The following HPCAL1 variants were observed in gnomAD, a reference collection of about 807,000 sequenced individuals.
HPCAL1 encodes the protein hippocalcin like 1.
Under a neutral mutation model 17.1 loss-of-function variants are expected in HPCAL1, and 8 were observed. The observed-to-expected ratio is 0.47, with a 90% CI of 0.27 to 0.84. The LOEUF (loss-of-function observed/expected upper bound fraction) is 0.84. Ranked by LOEUF, HPCAL1 falls within the 40% of genes least tolerant of loss-of-function variation. HPCAL1 has a pLI of 0.13. For missense variants in HPCAL1, 165 were observed against 271.1 expected, an observed-to-expected ratio of 0.61 and a Z score of 2.75; for synonymous variants, 112 against 111.4, an observed-to-expected ratio of 1.01 and a Z score of -0.03.
chr2:10,361,652 A>G (rs763745690), intron 1 of HPCAL1, among the ~76,000 whole-genome samples: 1 of 152,132 alleles, frequency 6.6e-6, no homozygotes, highest in Non-Finnish European at 1.5e-5. Context: ...AATCACATAA[A>G]TAACGTTTCC....
chr2:10,408,751 A>G (rs1350396908), intron 2 of HPCAL1: 2 of 152,224 alleles, frequency 1.3e-5, no homozygotes, highest in African/African-American at 4.8e-5. Flanking sequence ...ATGAAATACA[A>G]ACGCCATGAT....
chr2:10,366,084 T>A (rs1335652221), intron 1 of HPCAL1, among the ~76,000 whole-genome samples: 2 of 152,144 alleles, frequency 1.3e-5, no homozygotes, highest in East Asian at 3.9e-4. Flanking sequence ...GCCTCCCTCC[T>A]GGACCGCCCA....
chr2:10,329,902 G>A (rs1454279666), intron 1 of HPCAL1, among the ~76,000 whole-genome samples: 1 of 152,232 alleles, frequency 6.6e-6, no homozygotes, highest in Non-Finnish European at 1.5e-5. Flanking sequence ...ACAGCTCCAG[G>A]CCCTGCCTGA....
At chr2:10,400,989 G>A (rs931568026) in intron 2 of HPCAL1, among the ~76,000 whole-genome samples, 7 of 152,326 alleles carry the variant, frequency 4.6e-5, no homozygotes, top group South Asian at 4.1e-4. Flanking sequence ...GAGCAAGACC[G>A]GCCTAGCCTC....
At chr2:10,423,165 C>T (rs754835662) in intron 4 of HPCAL1, 77 bp downstream of exon 4, 21 of 1,090,788 alleles carry the variant, frequency 1.9e-5, no homozygotes, top group South Asian at 1.0e-4. Context: ...GCACCCCCTC[C>T]CCTCTGCAGC....
At chr2:10,401,398 T>C (rs901146346) in intron 2 of HPCAL1, among the ~76,000 whole-genome samples, 2 of 152,142 alleles carry the variant, frequency 1.3e-5, no homozygotes, top group African/African-American at 4.8e-5. Flanking sequence ...GTTTAGCAAA[T>C]ATCTGTTCTT....
chr2:10,305,474 G>T (rs1214297889), intron 1 of HPCAL1, among the ~76,000 whole-genome samples: 1 of 152,212 alleles, frequency 6.6e-6, no homozygotes, highest in Non-Finnish European at 1.5e-5. Context: ...CCTTGCGGTG[G>T]GATGTGGTGC....
In HPCAL1 at chr2:10,395,542, C is replaced by A. The variant is rs892470418; in HGVS notation, c.-110-1293C>A. ...AGGAGCGAGGGGAGCCCCGCTGGCA[C>A]GCCGCACTGTGCTGAGGCTGGGTGT... On this transcript the variant is annotated intron_variant, in intron 1 of 4. Coordinates refer to ENST00000307845, the MANE Select transcript of HPCAL1 (RefSeq NM_002149.4). The surrounding 1 kb of genome is among the most constrained non-coding windows in gnomAD (Gnocchi z 4.4). 2.6e-5 allele frequency among the ~76,000 whole-genome samples: 4 copies of A among 152,196 alleles called. No homozygotes were observed. Among genetic ancestry groups the A allele is most frequent in the Non-Finnish European group, 4.4e-5 (3 of 68,036 alleles).
chr2:10,364,266 G>T (rs1227425026), intron 1 of HPCAL1, among the ~76,000 whole-genome samples: 1 of 152,230 alleles, frequency 6.6e-6, no homozygotes, highest in East Asian at 1.9e-4. Flanking sequence ...CTGGCATCCG[G>T]GGGTCCCTCC....
intron 1 of HPCAL1, among the ~76,000 whole-genome samples, chr2:10,379,458 T>C (rs1667802455): frequency 6.6e-6 from 1 of 151,872 alleles, no homozygotes; most frequent in South Asian, 2.1e-4. Flanking sequence ...TGGGCTGGGC[T>C]ATGAGCAGGA....
chr2:10,315,127 TA>T (rs1249762163), intron 1 of HPCAL1, among the ~76,000 whole-genome samples: 1 of 151,894 alleles, frequency 6.6e-6, no homozygotes, highest in Non-Finnish European at 1.5e-5. Context: ...CCGTCTCTAC[TA>T]AAAATACAAA....
intron 1 of HPCAL1, among the ~76,000 whole-genome samples, chr2:10,308,961 G>C (rs1412715205): frequency 6.6e-6 from 1 of 152,156 alleles, no homozygotes; most frequent in East Asian, 1.9e-4. Context: ...CCAGCTACTA[G>C]GGGGTGCTGA....
intron 1 of HPCAL1, among the ~76,000 whole-genome samples, chr2:10,305,258 A>G (rs1662549929): frequency 6.6e-6 from 1 of 151,960 alleles, no homozygotes; most frequent in Non-Finnish European, 1.5e-5. Context: ...TGGCTTTCTC[A>G]GCTCAGAAGA....
At chr2:10,332,617 T>C (rs1251934705) in intron 1 of HPCAL1, among the ~76,000 whole-genome samples, 2 of 152,172 alleles carry the variant, frequency 1.3e-5, no homozygotes, top group African/African-American at 4.8e-5. Flanking sequence ...GACAGCTTTA[T>C]TCGAGGAAAA....
intron 2 of HPCAL1, among the ~76,000 whole-genome samples, chr2:10,399,745 G>C (rs1669472068): frequency 6.6e-6 from 1 of 152,098 alleles, no homozygotes; most frequent in East Asian, 1.9e-4. Flanking sequence ...TGTACAGCAG[G>C]CCGCTCCCCG....
At chr2:10,406,532 A>T (rs1669980321) in intron 2 of HPCAL1, among the ~76,000 whole-genome samples, 1 of 152,136 alleles carries the variant, frequency 6.6e-6, no homozygotes, top group East Asian at 1.9e-4. Context: ...CAGAGACTCC[A>T]CTCTCACTTC....
At chr2:10,356,742 C>T (rs567879182) in intron 1 of HPCAL1, among the ~76,000 whole-genome samples, 8 of 152,214 alleles carry the variant, frequency 5.3e-5, no homozygotes, top group African/African-American at 1.9e-4. Context: ...CCTGTGGGCT[C>T]CCGGGCCCAG....
At chr2:10,390,137 C>T (rs1160919648) in intron 1 of HPCAL1, among the ~76,000 whole-genome samples, 1 of 152,202 alleles carries the variant, frequency 6.6e-6, no homozygotes, top group African/African-American at 2.4e-5. Context: ...GTGCTGGGCA[C>T]TAGTCATGAC....
chr2:10,337,975 T>C (rs1177045313), intron 1 of HPCAL1, among the ~76,000 whole-genome samples: 1 of 152,216 alleles, frequency 6.6e-6, no homozygotes, highest in African/African-American at 2.4e-5. Flanking sequence ...GGGGATTTAC[T>C]ATTTTTAGAG....
Sources: gnomAD v4.1 joint callset for allele counts (sites outside exome capture counted in the v4.1 genomes callset) on GRCh38, gnomAD v4.1.1 for gene constraint, Gnocchi (gnomAD v3.1) non-coding constraint, MANE v1.5 for transcripts, NCBI Gene and HGNC (gene_info 2026-07-23, HGNC 2026-07-21) for gene names.